The following SUZ12 variants were observed in gnomAD, a reference collection of about 807,000 sequenced individuals.
SUZ12 encodes SUZ12 polycomb repressive complex 2 subunit.
A neutral mutation model predicts 87.3 loss-of-function variants in SUZ12; 17 were observed. The ratio of observed to expected loss-of-function variants is 0.19; its 90% CI spans 0.13 to 0.29. SUZ12 has a LOEUF of 0.29. Ranked by LOEUF, SUZ12 falls within the 10% of genes least tolerant of loss-of-function variation. The probability of loss-of-function intolerance (pLI) is 1.00; values close to 1 mark genes in which losing one functional copy is unlikely to be tolerated. For missense variants in SUZ12, 526 were observed against 912.2 expected (o/e 0.58, Z 5.45); for synonymous variants, 253 against 312.4 (o/e 0.81, Z 2.01).
intron 3 of SUZ12, among the ~76,000 whole-genome samples, chr17:31,942,144 G>A (rs535239169): frequency 5.3e-5 from 8 of 152,278 alleles, no homozygotes; most frequent in Admixed American, 3.9e-4. Context: ...GAGCCACTGC[G>A]CCCGGCCTCC....
chr17:31,978,014 G>A (rs576111881), intron 8 of SUZ12, among the ~76,000 whole-genome samples: 5 of 152,262 alleles, frequency 3.3e-5, no homozygotes, highest in South Asian at 2.1e-4. Context: ...AAATATTTTA[G>A]TGAAAATATC....
At chr17:31,943,263 A>G (rs1435310870) in intron 3 of SUZ12, among the ~76,000 whole-genome samples, 2 of 152,216 alleles carry the variant, frequency 1.3e-5, no homozygotes, top group African/African-American at 4.8e-5. Flanking sequence ...TTTTTCTGTA[A>G]AGGACCAGTA....
intron 8 of SUZ12, among the ~76,000 whole-genome samples, chr17:31,977,968 C>T (rs1457727591): frequency 6.6e-6 from 1 of 152,128 alleles, no homozygotes; most frequent in Non-Finnish European, 1.5e-5. Flanking sequence ...GAAACACAGA[C>T]TTATTAAATA....
chr17:31,996,372 T>C (rs973707514), intron 14 of SUZ12, among the ~76,000 whole-genome samples: 1 of 152,318 alleles, frequency 6.6e-6, no homozygotes, highest in Admixed American at 6.5e-5. Flanking sequence ...CCCAACACTT[T>C]GGTAGGGCGA....
Position 31,937,137 on chromosome 17 carries a change from T to A in SUZ12, c.-110T>A, listed in dbSNP as rs375179452. ...CCCCTCTCCTCCCCTCTCTCCTCCT[T>A]CCCCCCTCGGTCCGCCGGAGCCTGC... On this transcript the variant is annotated 5_prime_UTR_variant, in exon 1 of 16. Transcript: ENST00000322652. 17 of 947,818 alleles carry A rather than the reference T, an allele frequency of 1.8e-5. No homozygotes were observed. Among genetic ancestry groups the A allele is most frequent in the East Asian group, 1.6e-4 (5 of 30,424 alleles). 58.7% of individuals were successfully genotyped at this position (947,818 alleles called of 1,614,324 possible). A position where few individuals can be genotyped will look rare whatever the true frequency, so the allele number is the denominator to read the frequency against.
chr17:31,957,380 C>T (rs1220898896), intron 4 of SUZ12, among the ~76,000 whole-genome samples: 3 of 151,884 alleles, frequency 2.0e-5, no homozygotes, highest in Non-Finnish European at 4.4e-5. Context: ...GCTGGGATTA[C>T]AGACATGCAC....
At chr17:31,938,313 T>G (rs1323272816) in intron 1 of SUZ12, among the ~76,000 whole-genome samples, 2 of 152,214 alleles carry the variant, frequency 1.3e-5, no homozygotes. Context: ...TCCTGATTGG[T>G]TCCCTTTTTT....
At chr17:31,937,948 T>G (rs1187995744) in intron 1 of SUZ12, among the ~76,000 whole-genome samples, 1 of 142,576 alleles carries the variant, frequency 7.0e-6, no homozygotes, top group African/African-American at 2.6e-5. Flanking sequence ...ATGAGTGCAG[T>G]GGAACCGAAG....
In SUZ12 at chr17:31,994,069, T is replaced by C. The variant is rs941138709; in HGVS notation, c.1437+61T>C. The C allele has an allele frequency of 9.8e-6, 15 of 1,522,988 alleles. 1 individual carries two copies. Among genetic ancestry groups the C allele is most frequent in the South Asian group, 7.4e-5 (6 of 81,410 alleles). The allele number at this position is 1,522,988 out of a possible 1,614,324, so 94.3% of individuals were successfully genotyped here. A position where few individuals can be genotyped will look rare whatever the true frequency, so the allele number is the denominator to read the frequency against. ...AGAAATCTCTTGTACCCCATAAATA[T>C]ATACATCTATGTACCCACAAAAATT... is the stretch of plus-strand genomic sequence containing the variant. On this transcript the variant is annotated intron_variant, in intron 12 of 15. Coordinates refer to ENST00000322652, the MANE Select transcript of SUZ12 (RefSeq NM_015355.4).
chr17:31,951,670 G>A (rs1302610569), intron 4 of SUZ12, among the ~76,000 whole-genome samples: 1 of 151,338 alleles, frequency 6.6e-6, no homozygotes, highest in African/African-American at 2.4e-5. Flanking sequence ...TAGAGACGGG[G>A]TTTCACCATG....
intron 5 of SUZ12, among the ~76,000 whole-genome samples, chr17:31,970,641 A>G (rs1598169214): frequency 1.3e-5 from 2 of 152,092 alleles, no homozygotes; most frequent in Non-Finnish European, 2.9e-5. Flanking sequence ...AAGAAAAAAA[A>G]AAATTACCCA....
chr17:31,989,552 TCA>T (rs1456826154), intron 10 of SUZ12, among the ~76,000 whole-genome samples: 1 of 152,104 alleles, frequency 6.6e-6, no homozygotes, highest in Non-Finnish European at 1.5e-5. Context: ...GATTTTGGAA[TCA>T]CAACTACAAA....
At chr17:31,940,865 C>T (rs1308890899) in intron 3 of SUZ12, among the ~76,000 whole-genome samples, 2 of 151,790 alleles carry the variant, frequency 1.3e-5, no homozygotes, top group African/African-American at 4.8e-5. Flanking sequence ...CAAAAATTAG[C>T]TGGGCGTGGT....
intron 4 of SUZ12, among the ~76,000 whole-genome samples, chr17:31,964,818 TAGAAAA>T (rs1907993645): frequency 6.6e-6 from 1 of 151,842 alleles, no homozygotes; most frequent in Admixed American, 6.6e-5. Flanking sequence ...TTCTCTATCT[TAGAAAA>T]AGAGGAATCC....
chr17:31,999,829 TC>T lies in SUZ12; in HGVS notation c.*827del, dbSNP rs1910170467. The T allele has an allele frequency of 8.6e-6, 2 of 232,522 alleles. No individual in the cohort carries two copies. The highest frequency in any genetic ancestry group is 1.7e-5 in the Non-Finnish European group (2 of 117,738). The allele number at this position is 232,522 out of a possible 1,614,324, so 14.4% of individuals were successfully genotyped here. On this transcript the variant is annotated 3_prime_UTR_variant, in exon 16 of 16. Coordinates refer to ENST00000322652, the MANE Select transcript of SUZ12 (RefSeq NM_015355.4). ...CACACGGAAAATTAAGCTGTTCATA[TC>T]TTTAAATTAGGATTGCAAACCAAGG...
At position 31,999,235 on chromosome 17, in the gene SUZ12, A is replaced by G; in HGVS notation, c.*232A>G. On this transcript the variant is annotated 3_prime_UTR_variant, in exon 16 of 16. Coordinates refer to ENST00000322652, the MANE Select transcript of SUZ12 (RefSeq NM_015355.4). ...AAAACATTCTGTACTTTAAGCATGA[A>G]AAGCAATATTTCAAAGTATTTTTAA... The G allele has an allele frequency of 3.0e-6, 1 of 334,308 alleles. No homozygotes were observed. The highest frequency in any genetic ancestry group is 5.4e-6 in the Non-Finnish European group (1 of 185,654). 20.7% of individuals were successfully genotyped at this position (334,308 alleles called of 1,614,324 possible). A position where few individuals can be genotyped will look rare whatever the true frequency, so the allele number is the denominator to read the frequency against.
At chr17:31,952,353 C>T (rs1317808587) in intron 4 of SUZ12, among the ~76,000 whole-genome samples, 2 of 152,164 alleles carry the variant, frequency 1.3e-5, no homozygotes, top group Non-Finnish European at 2.9e-5. Flanking sequence ...AGCCACCACG[C>T]CTGGCCTTTA....
Position 31,947,329 on chromosome 17 carries a change from T to A in SUZ12, c.387-288T>A, listed in dbSNP as rs569048105. ...ACTGAATGAAAAGTAAGTGTCAAAA[T>A]AAATATAAACCAAGTACCATGGGTA... On this transcript the variant is annotated intron_variant, in intron 3 of 15. Coordinates refer to ENST00000322652, the MANE Select transcript of SUZ12 (RefSeq NM_015355.4). Among the ~76,000 whole-genome samples the A allele has an allele frequency of 6.9e-4, 105 of 152,226 alleles. 2 individuals carry two copies. The highest frequency in any genetic ancestry group is 8.5e-4 in the Non-Finnish European group (58 of 67,998).
intron 3 of SUZ12, among the ~76,000 whole-genome samples, chr17:31,942,421 C>T (rs1478249601): frequency 6.6e-6 from 1 of 151,934 alleles, no homozygotes; most frequent in African/African-American, 2.4e-5. Flanking sequence ...CTGCAACCTC[C>T]ACCTCGCGGG....
Sources: gnomAD v4.1 joint callset for allele counts (sites outside exome capture counted in the v4.1 genomes callset) on GRCh38, gnomAD v4.1.1 for gene constraint, MANE v1.5 for transcripts, NCBI Gene and HGNC (gene_info 2026-07-23, HGNC 2026-07-21) for gene names.